The following CACNA1C variants were observed in gnomAD, a reference collection of about 807,000 sequenced individuals.
The protein encoded by CACNA1C is calcium voltage-gated channel subunit alpha1 C.
In CACNA1C, 30 loss-of-function variants were observed where a neutral mutation model predicts 229.0. That is an observed-to-expected ratio of 0.13 (90% CI 0.10 to 0.18). The LOEUF (loss-of-function observed/expected upper bound fraction) is 0.18, where lower values mean the gene tolerates loss of function less well. CACNA1C is among the 10% of genes least tolerant of loss of function. The pLI, the probability that CACNA1C is intolerant of heterozygous loss-of-function variation, is 1.00. For synonymous variants in CACNA1C, 1,114 were observed against 1,132.5 expected (o/e 0.98, Z 0.33); for missense variants, 1,658 against 2,845.0 (o/e 0.58, Z 9.49).
At position 2,358,820 on chromosome 12, in the gene CACNA1C, T is replaced by C. The variant is rs115233692; in HGVS notation, c.478-90156T>C. Among the ~76,000 whole-genome samples the C allele has an allele frequency of 2.1e-3, 316 of 152,298 alleles. 1 individual carries two copies. Among genetic ancestry groups the C allele is most frequent in the African/African-American group, 7.1e-3 (295 of 41,564 alleles). The stretch of plus-strand genomic sequence containing the variant: ...CCAGCAAAGCCTACAGTCACTGTCC[T>C]CACTGGAGGTGCAGTCAGTGTTCTT... On this transcript the variant is annotated intron_variant, in intron 3 of 46. Coordinates refer to ENST00000399655, the MANE Select transcript of CACNA1C (RefSeq NM_000719.7).
chr12:2,573,950 T>G (rs915331659), intron 13 of CACNA1C, among the ~76,000 whole-genome samples: 2 of 152,198 alleles, frequency 1.3e-5, no homozygotes, highest in Non-Finnish European at 2.9e-5. Context: ...ATACTGACAT[T>G]TTTTGTGTTT....
intron 9 of CACNA1C, among the ~76,000 whole-genome samples, chr12:2,530,092 T>C (rs971230618): frequency 3.3e-5 from 5 of 152,248 alleles, no homozygotes; most frequent in African/African-American, 1.2e-4. Flanking sequence ...AGAACTCAGC[T>C]GTATCTCCTG....
rs117326677 is a variant in CACNA1C, at chr12:2,016,887, C to A, written c.139+45686C>A. 7.7e-4 allele frequency among the ~76,000 whole-genome samples: 117 copies of A among 152,266 alleles called. 3 individuals carry two copies. In the East Asian group the frequency reaches 0.02, roughly 26 times the overall value. On this transcript the variant is annotated intron_variant, in intron 1 of 46. Coordinates refer to the CACNA1C transcript ENST00000682462. The stretch of plus-strand genomic sequence containing the variant: ...AGGACGTGGCCTGGGCATTGAGTTT[C>A]TTTAAAGCTCCCAGGTAATTATAAT...
intron 3 of CACNA1C, among the ~76,000 whole-genome samples, chr12:2,349,291 G>A (rs1204323758): frequency 6.6e-6 from 1 of 152,198 alleles, no homozygotes; most frequent in Non-Finnish European, 1.5e-5. Flanking sequence ...GAACCTTGGT[G>A]TGGAAAGTGG....
intron 1 of CACNA1C, among the ~76,000 whole-genome samples, chr12:2,033,945 G>C (rs1179366936): frequency 6.6e-6 from 1 of 152,230 alleles, no homozygotes; most frequent in Non-Finnish European, 1.5e-5. Context: ...AGACAGAGGA[G>C]CATGGAAGAG....
In CACNA1C at chr12:2,688,775, A is replaced by G; in HGVS notation, c.6113A>G (p.Glu2038Gly). The change falls in exon 46 of 47, where the codon GAA becomes GGA. Residue 2038 changes from glutamate to glycine, a missense_variant. Glu to Gly is a moderately conservative substitution (Grantham distance 98). This residue lies in a region of CACNA1C where 590 missense variants were observed against 700.8 expected (regional missense o/e 0.84). Transcript: ENST00000399655. ...CACGGCAGTGCCAGCAGCCTGGTGG[A>G]AGCGGTAGGTGACTCGCAGATGGGC... ...QFHGSASSLVEAVLISEGLGQ... is the reference protein window; with the variant it reads ...QFHGSASSLVGAVLISEGLGQ... 1 of 1,530,856 alleles carries G rather than the reference A, an allele frequency of 6.5e-7. No individual in the cohort carries two copies. Among genetic ancestry groups the G allele is most frequent in the East Asian group, 2.4e-5 (1 of 42,330 alleles). 94.8% of individuals were successfully genotyped at this position (1,530,856 alleles called of 1,614,324 possible).
At chr12:2,255,486 G>C (rs1241473526) in intron 3 of CACNA1C, among the ~76,000 whole-genome samples, 1 of 152,190 alleles carries the variant, frequency 6.6e-6, no homozygotes, top group African/African-American at 2.4e-5. Flanking sequence ...GGTGGCTACA[G>C]ATGGTCCCTG....
chr12:2,574,647 C>T (rs1327581834), intron 13 of CACNA1C, among the ~76,000 whole-genome samples: 1 of 152,220 alleles, frequency 6.6e-6, no homozygotes, highest in South Asian at 2.1e-4. Context: ...CTCCCAGGCT[C>T]GAAATGTCTC....
intron 3 of CACNA1C, among the ~76,000 whole-genome samples, chr12:2,128,471 C>T (rs558636130): frequency 5.3e-5 from 8 of 152,124 alleles, no homozygotes; most frequent in African/African-American, 1.9e-4. Flanking sequence ...AGTGCAGTGG[C>T]GCGATCTCGG....
At chr12:2,419,684 C>T (rs993719541) in intron 3 of CACNA1C, among the ~76,000 whole-genome samples, 5 of 152,120 alleles carry the variant, frequency 3.3e-5, no homozygotes, top group African/African-American at 9.7e-5. Context: ...AAAGAATAGT[C>T]CCTCTAGACA....
intron 3 of CACNA1C, among the ~76,000 whole-genome samples, chr12:2,264,479 G>A (rs1363447011): frequency 6.6e-6 from 1 of 152,192 alleles, no homozygotes; most frequent in Non-Finnish European, 1.5e-5. Flanking sequence ...GAGATGATGG[G>A]ACTTGTCCAA....
chr12:2,439,758 G>A (rs1012149970), intron 3 of CACNA1C, among the ~76,000 whole-genome samples: 14 of 151,798 alleles, frequency 9.2e-5, no homozygotes, highest in African/African-American at 3.4e-4. Context: ...AATGAAACTA[G>A]CATACTTTTT....
intron 1 of CACNA1C, among the ~76,000 whole-genome samples, chr12:2,095,308 G>A (rs1209205511): frequency 2.0e-5 from 3 of 152,220 alleles, no homozygotes; most frequent in Admixed American, 6.5e-5. Context: ...CCTAATTCCT[G>A]TGGGGACACA....
At chr12:2,084,141 A>C (rs1029323369) in intron 1 of CACNA1C, among the ~76,000 whole-genome samples, 1 of 152,216 alleles carries the variant, frequency 6.6e-6, no homozygotes, top group Non-Finnish European at 1.5e-5. Flanking sequence ...AAATTTGAAA[A>C]GGTGTTGTTA....
intron 5 of CACNA1C, among the ~76,000 whole-genome samples, chr12:2,459,316 A>G (rs569891233): frequency 4.8e-4 from 73 of 151,840 alleles, no homozygotes; most frequent in African/African-American, 1.5e-3. Flanking sequence ...CGCCCGGCCA[A>G]TTGTCTTGGA....
Position 2,270,691 on chromosome 12 carries a change from G to C in CACNA1C, c.477+150261G>C, listed in dbSNP as rs559333761. On this transcript the variant is annotated intron_variant, in intron 3 of 46. Coordinates refer to ENST00000399655, the MANE Select transcript of CACNA1C (RefSeq NM_000719.7). ...GGAAGGTCATTGGACTCCCTTTCTG[G>C]TTTAAGCTTGGCCATGGGATGTCTT... 7.9e-5 allele frequency among the ~76,000 whole-genome samples: 12 copies of C among 152,320 alleles called. No homozygotes were observed. The South Asian group carries it at 2.5e-3, about 32-fold the overall frequency.
At chr12:2,452,557 G>A (rs780355553) in intron 4 of CACNA1C, among the ~76,000 whole-genome samples, 24 of 152,138 alleles carry the variant, frequency 1.6e-4, no homozygotes, top group Admixed American at 2.6e-4. Context: ...TCGGCCAGGC[G>A]TCCACACCAG....
chr12:2,182,050 T>C (rs2096856003), intron 3 of CACNA1C, among the ~76,000 whole-genome samples: 1 of 147,082 alleles, frequency 6.8e-6, no homozygotes, highest in Admixed American at 6.9e-5. Flanking sequence ...CAAGGAGAGG[T>C]TGGGTGGCTG....
chr12:2,290,331 G>C (rs1274129913), intron 3 of CACNA1C, among the ~76,000 whole-genome samples: 1 of 152,186 alleles, frequency 6.6e-6, no homozygotes, highest in Non-Finnish European at 1.5e-5. Flanking sequence ...CTGTCCTCTG[G>C]GCCTCCCTGG....
Sources: gnomAD v4.1 joint callset for allele counts (sites outside exome capture counted in the v4.1 genomes callset) on GRCh38, gnomAD v4.1.1 for gene constraint, gnomAD v4.1.1 regional missense constraint, MANE v1.5 for transcripts, NCBI Gene and HGNC (gene_info 2026-07-23, HGNC 2026-07-21) for gene names.